Variants in COL7A1 observed in about 807,000 individuals in gnomAD.
The protein encoded by COL7A1 is collagen type VII alpha 1 chain.
Under a neutral mutation model 456.2 loss-of-function variants are expected in COL7A1, and 296 were observed. The ratio of observed to expected loss-of-function variants is 0.65; its 90% CI spans 0.59 to 0.71. The LOEUF (loss-of-function observed/expected upper bound fraction) is 0.71. Ranked by LOEUF, COL7A1 falls within the 30% of genes least tolerant of loss-of-function variation. The pLI is 0.00. For missense variants in COL7A1, 3,441 were observed against 4,017.2 expected (o/e 0.86, Z 3.88); for synonymous variants, 1,464 against 1,525.9 (o/e 0.96, Z 0.95).
chr3:48,564,530 G>A lies in COL7A1; in HGVS notation c.8819-108C>T, dbSNP rs1406316192. On this transcript the variant is annotated intron_variant, in intron 118 of 118. Transcript: ENST00000681320. This position sits in a 1 kb window ranked among gnomAD's most constrained non-coding sequence, Gnocchi z 6.0. ...GAGCGGAGGCTACAACAGGAAGTGG[G>A]GGCTCTGACCTCAGAGGGGTCCATA... is the stretch of plus-strand genomic sequence containing the variant. The A allele has an allele frequency of 1.4e-6, 2 of 1,387,878 alleles. No individual in the cohort carries two copies. The highest frequency in any genetic ancestry group is 2.0e-6 in the Non-Finnish European group (2 of 990,710). The allele number at this position is 1,387,878 out of a possible 1,614,324, so 86.0% of individuals were successfully genotyped here.
rs575007315 is a variant in COL7A1, at chr3:48,586,527, A to G, written c.3403+36T>C. 2 of 1,613,700 alleles carry G rather than the reference A, an allele frequency of 1.2e-6. No individual in the cohort carries two copies. The highest frequency in any genetic ancestry group is 1.3e-5 in the African/African-American group (1 of 75,028). ...CCCTGGGGCACCAAGCTCCCAGTGG[A>G]TAGCCCCAGGAGTCCATGCCTGCTG... On this transcript the variant is annotated intron_variant, in intron 26 of 118. Coordinates refer to ENST00000681320, the MANE Select transcript of COL7A1 (RefSeq NM_000094.4). This position sits in a 1 kb window ranked among gnomAD's most constrained non-coding sequence, Gnocchi z 5.1.
chr3:48,573,618 C>T lies in COL7A1; in HGVS notation c.6574-61G>A, dbSNP rs2044082788. 3 of 1,613,408 alleles carry T rather than the reference C, an allele frequency of 1.9e-6. No individual in the cohort carries two copies. Among genetic ancestry groups the T allele is most frequent in the Non-Finnish European group, 2.5e-6 (3 of 1,179,550 alleles). Reference sequence around the variant, plus strand: ...AGGGATTAACACAGAGAAGGCCTGGCTCATCAGCTGTGGCCAATGCCTATC... The same window carrying T: ...AGGGATTAACACAGAGAAGGCCTGGTTCATCAGCTGTGGCCAATGCCTATC... On this transcript the variant is annotated intron_variant, in intron 82 of 118. Coordinates refer to ENST00000681320, the MANE Select transcript of COL7A1 (RefSeq NM_000094.4). The surrounding 1 kb of genome is among the most constrained non-coding windows in gnomAD (Gnocchi z 5.5).
In COL7A1 at chr3:48,583,376, C is replaced by T; in HGVS notation, c.4437+17G>A. On this transcript the variant is annotated intron_variant, in intron 42 of 118. Coordinates refer to ENST00000681320, the MANE Select transcript of COL7A1 (RefSeq NM_000094.4). The surrounding 1 kb of genome is among the most constrained non-coding windows in gnomAD (Gnocchi z 5.1). The stretch of plus-strand genomic sequence containing the variant: ...GAGTAGCACCCCTCACACCTGAATC[C>T]CCCAACTGGTACTCACTTTGGGGCC... 13 of 1,614,038 alleles carry T rather than the reference C, an allele frequency of 8.1e-6. No homozygotes were observed. Among genetic ancestry groups the T allele is most frequent in the Non-Finnish European group, 1.1e-5 (13 of 1,179,938 alleles).
Position 48,587,068 on chromosome 3 carries a change from A to G in COL7A1, c.3180T>C (p.His1060=). ...RGLADVVFLP[H]ATQDNAHRAE... ...CACGGTGAGCATTGTCTTGAGTGGC[A>G]TGTGGTAGGAACACCACATCCGCCA... The change falls in exon 25 of 119, where the codon CAT becomes CAC. Residue 1060 remains histidine (H), a synonymous_variant. Transcript: ENST00000681320. This position sits in a 1 kb window ranked among gnomAD's most constrained non-coding sequence, Gnocchi z 6.1. 6.2e-7 allele frequency: 1 copy of G among 1,611,240 alleles called. No individual in the cohort carries two copies. Among genetic ancestry groups the G allele is most frequent in the Non-Finnish European group, 8.5e-7 (1 of 1,178,820 alleles).
In COL7A1 at chr3:48,583,950, G is replaced by T; in HGVS notation, c.4228C>A (p.Pro1410Thr). 6.2e-7 allele frequency: 1 copy of T among 1,614,020 alleles called. No individual in the cohort carries two copies. The highest frequency in any genetic ancestry group is 8.5e-7 in the Non-Finnish European group (1 of 1,180,000). ...GDKGDRGERGPPGPGEGGIAP... is the reference protein window; with the variant it reads ...GDKGDRGERGTPGPGEGGIAP... Reference sequence around the variant, plus strand: ...ATGCCACCTTCACCTGGTCCAGGGGGACCCTGGGAGAGAACAGCAGGTCAG... The same window carrying T: ...ATGCCACCTTCACCTGGTCCAGGGGTACCCTGGGAGAGAACAGCAGGTCAG... The change falls in exon 39 of 119, where the codon CCC becomes ACC. Residue 1410 changes from proline to threonine, a missense_variant. Around this residue, in one of 3 missense-constraint regions of COL7A1, gnomAD observed 2,084 missense variants for 2,501.3 expected, o/e 0.83. Transcript: ENST00000681320. This position sits in a 1 kb window ranked among gnomAD's most constrained non-coding sequence, Gnocchi z 5.1.
chr3:48,581,595 G>A lies in COL7A1; in HGVS notation c.4760C>T (p.Pro1587Leu), dbSNP rs2044762036. The A allele has an allele frequency of 6.2e-7, 1 of 1,614,076 alleles. No homozygotes were observed. Among genetic ancestry groups the A allele is most frequent in the African/African-American group, 1.3e-5 (1 of 74,994 alleles). Residue 1587 changes from proline (P) to leucine (L), a missense_variant, in exon 50 of 119, where the codon CCC (proline) becomes CTC (leucine). Pro to Leu is a moderately conservative substitution (Grantham distance 98). This residue lies in a region of COL7A1 where 2,084 missense variants were observed against 2,501.3 expected (regional missense o/e 0.83). Transcript: ENST00000681320. This position sits in a 1 kb window ranked among gnomAD's most constrained non-coding sequence, Gnocchi z 5.8. Reference sequence around the variant, plus strand: ...CACCCGGTCTCCAGGGTCTCCCTTGGGGCCAGGGTCTCCAGGAAGAACCAA... The same window carrying A: ...CACCCGGTCTCCAGGGTCTCCCTTGAGGCCAGGGTCTCCAGGAAGAACCAA... ...PGLVLPGDPG[P>L]KGDPGDRGPI...
chr3:48,565,627 A>T lies in COL7A1; in HGVS notation c.8440+9T>A. On this transcript the variant is annotated intron_variant, in intron 115 of 118. Transcript: ENST00000681320. The surrounding 1 kb of genome is among the most constrained non-coding windows in gnomAD (Gnocchi z 4.5). Reference sequence around the variant, plus strand: ...GTGAAGAAAGTTCTGGGAGTAGAAAACTACTCACGTGATCCAGATGCGATG... The same window carrying T: ...GTGAAGAAAGTTCTGGGAGTAGAAATCTACTCACGTGATCCAGATGCGATG... 1 of 1,614,018 alleles carries T rather than the reference A, an allele frequency of 6.2e-7. No individual in the cohort carries two copies. The highest frequency in any genetic ancestry group is 8.5e-7 in the Non-Finnish European group (1 of 1,179,984).
Position 48,588,869 on chromosome 3 carries a change from C to A in COL7A1, c.2440+1G>T. ...ACAGGGGTGGCGTCAGGGAGCCATA[C>A]CTTCACTCCGGCCCCAGGCCAGTCT... On this transcript the variant is annotated splice_donor_variant, in intron 19 of 118. Transcript: ENST00000681320. LOFTEE classifies it high-confidence loss of function. This position sits in a 1 kb window ranked among gnomAD's most constrained non-coding sequence, Gnocchi z 4.6. 1 of 1,613,608 alleles carries A rather than the reference C, an allele frequency of 6.2e-7. No individual in the cohort carries two copies. The highest frequency in any genetic ancestry group is 2.2e-5 in the East Asian group (1 of 44,884).
Position 48,581,003 on chromosome 3 carries a change from G to T in COL7A1, c.4936-77C>A. The stretch of plus-strand genomic sequence containing the variant: ...ACTCAGGGAGAGGGGACAGAGAAGG[G>T]TCTGAGCAGCAGCTGGACAGGAGGC... On this transcript the variant is annotated intron_variant, in intron 53 of 118. Coordinates refer to ENST00000681320, the MANE Select transcript of COL7A1 (RefSeq NM_000094.4). The surrounding 1 kb of genome is among the most constrained non-coding windows in gnomAD (Gnocchi z 5.8). 1 of 1,603,980 alleles carries T rather than the reference G, an allele frequency of 6.2e-7. No individual in the cohort carries two copies. Among genetic ancestry groups the T allele is most frequent in the Non-Finnish European group, 8.5e-7 (1 of 1,171,970 alleles).
rs2107643806 is a variant in COL7A1 at position 48,569,913 on chromosome 3, C to T, written c.7488G>A (p.Gly2496=). ...PGQEGPRGLT[G]PPGSRGERGE... ...CACGCTCTCCCCTGCTGCCAGGGGG[C>T]CCCTGTGTGAGAGAAGGTGACCGTG... The change falls in exon 100 of 119, where the codon GGG becomes GGA. Residue 2496 remains glycine, a splice_region_variant and synonymous_variant. Coordinates refer to ENST00000681320, the MANE Select transcript of COL7A1 (RefSeq NM_000094.4). The surrounding 1 kb of genome is among the most constrained non-coding windows in gnomAD (Gnocchi z 4.9). 2 of 1,613,988 alleles carry T rather than the reference C, an allele frequency of 1.2e-6. No homozygotes were observed. Among genetic ancestry groups the T allele is most frequent in the Non-Finnish European group, 1.7e-6 (2 of 1,179,916 alleles).
rs1287180705 is a variant in COL7A1 at position 48,583,343 on chromosome 3, G to GGA, written c.4437+48_4437+49dup. 2 of 1,613,454 alleles carry GGA rather than the reference G, an allele frequency of 1.2e-6. No homozygotes were observed. Among genetic ancestry groups the GGA allele is most frequent in the Non-Finnish European group, 1.7e-6 (2 of 1,179,616 alleles). On this transcript the variant is annotated intron_variant, in intron 42 of 118. Coordinates refer to ENST00000681320, the MANE Select transcript of COL7A1 (RefSeq NM_000094.4). The surrounding 1 kb of genome is among the most constrained non-coding windows in gnomAD (Gnocchi z 5.1). ...CTTCCAGCCTCCCCTAACACCATGG[G>GGA]GAGCCCAGAGTAGCACCCCTCACAC...
In COL7A1 at chr3:48,573,537, T is replaced by C. The variant is rs1575433972; in HGVS notation, c.6594A>G (p.Gly2198=). The change falls in exon 83 of 119, where the codon GGA becomes GGG. Residue 2198 remains glycine, a synonymous_variant. Coordinates refer to ENST00000681320, the MANE Select transcript of COL7A1 (RefSeq NM_000094.4). The surrounding 1 kb of genome is among the most constrained non-coding windows in gnomAD (Gnocchi z 5.5). ...PGAPGLAGPA[G]PQGPSGLKGE... is the part of the protein sequence containing the mutation. ...CCTTCAGGCCAGAAGGTCCTTGGGG[T>C]CCTGCAGGGCCAGCAAGACCCTAGA... 6.2e-7 allele frequency: 1 copy of C among 1,613,878 alleles called. No homozygotes were observed. Among genetic ancestry groups the C allele is most frequent in the Non-Finnish European group, 8.5e-7 (1 of 1,179,944 alleles).
At position 48,568,378 on chromosome 3, in the gene COL7A1, T is replaced by A; in HGVS notation, c.7794+121A>T. 1 of 1,142,650 alleles carries A rather than the reference T, an allele frequency of 8.8e-7. No individual in the cohort carries two copies. Among genetic ancestry groups the A allele is most frequent in the Middle Eastern group, 2.0e-4 (1 of 4,986 alleles). 70.8% of individuals were successfully genotyped at this position (1,142,650 alleles called of 1,614,324 possible). A position where few individuals can be genotyped will look rare whatever the true frequency, so the allele number is the denominator to read the frequency against. ...TGGAGGTGGGGGACCCTGGGTGACA[T>A]GAGGACACCATGAGAGCACTGGGTC... On this transcript the variant is annotated intron_variant, in intron 105 of 118. Coordinates refer to ENST00000681320, the MANE Select transcript of COL7A1 (RefSeq NM_000094.4). This position sits in a 1 kb window ranked among gnomAD's most constrained non-coding sequence, Gnocchi z 5.2.
Position 48,570,571 on chromosome 3 carries a change from C to T in COL7A1, c.7344+68G>A, listed in dbSNP as rs1441138902. 8.1e-6 allele frequency: 13 copies of T among 1,613,282 alleles called. No individual in the cohort carries two copies. The highest frequency in any genetic ancestry group is 6.7e-5 in the African/African-American group (5 of 74,836). ...TCCCCCAACACCCCACAGTGTGGCC[C>T]GCCCCATCCTAAGTCCTCACGAGGA... On this transcript the variant is annotated intron_variant, in intron 96 of 118. Coordinates refer to ENST00000681320, the MANE Select transcript of COL7A1 (RefSeq NM_000094.4). The surrounding 1 kb of genome is among the most constrained non-coding windows in gnomAD (Gnocchi z 5.5).
chr3:48,591,858 G>A lies in COL7A1; in HGVS notation c.1358-36C>T. Reference sequence around the variant, plus strand: ...ACAGGGTCAGACCAGCAGAGGCCATGCCCTGACCCTTGCCTGTCCATCCCT... The same window carrying A: ...ACAGGGTCAGACCAGCAGAGGCCATACCCTGACCCTTGCCTGTCCATCCCT... On this transcript the variant is annotated intron_variant, in intron 11 of 118. Transcript: ENST00000681320. The surrounding 1 kb of genome is among the most constrained non-coding windows in gnomAD (Gnocchi z 7.0). The A allele has an allele frequency of 6.2e-7, 1 of 1,614,200 alleles. No individual in the cohort carries two copies. Among genetic ancestry groups the A allele is most frequent in the East Asian group, 2.2e-5 (1 of 44,884 alleles).
chr3:48,567,847 C>T lies in COL7A1; in HGVS notation c.7920G>A (p.Lys2640=), dbSNP rs780249495. The change falls in exon 107 of 119, where the codon AAG becomes AAA. Residue 2640 remains lysine, a synonymous_variant. Transcript: ENST00000681320. This position sits in a 1 kb window ranked among gnomAD's most constrained non-coding sequence, Gnocchi z 4.3. ...CCCATCCCCTCTGTACCTTGTCTCCCTTCTCTCCATCAAGGCCACAGGCTC... is the reference window on the plus strand; with the variant it reads ...CCCATCCCCTCTGTACCTTGTCTCCTTTCTCTCCATCAAGGCCACAGGCTC... ...VKGACGLDGE[K]GDKGEAGPPG... is the part of the protein sequence containing the mutation. 1.9e-6 allele frequency: 3 copies of T among 1,614,146 alleles called. No homozygotes were observed. The highest frequency in any genetic ancestry group is 4.5e-5 in the East Asian group (2 of 44,870).
chr3:48,581,504 G>A lies in COL7A1; in HGVS notation c.4783-21C>T, dbSNP rs1318973910. 6.2e-7 allele frequency: 1 copy of A among 1,614,080 alleles called. No individual in the cohort carries two copies. ...GGACCCTGAAGGGGACAGAAGGGGG[G>A]CAGGACTTAGTCAGGGTCCCACCAC... is the stretch of plus-strand genomic sequence containing the variant. On this transcript the variant is annotated intron_variant, in intron 50 of 118. Transcript: ENST00000681320. The surrounding 1 kb of genome is among the most constrained non-coding windows in gnomAD (Gnocchi z 5.8).
At position 48,589,623 on chromosome 3, in the gene COL7A1, T is replaced by C. The variant is rs143040168; in HGVS notation, c.2146A>G (p.Arg716Gly). The C allele has an allele frequency of 2.7e-4, 435 of 1,602,880 alleles. No individual in the cohort carries two copies. Among genetic ancestry groups the C allele is most frequent in the Non-Finnish European group, 3.5e-4 (416 of 1,176,564 alleles). The change falls in exon 17 of 119, where the codon AGG becomes GGG. Residue 716 changes from arginine to glycine, a missense_variant. Physicochemically the swap from Arg to Gly is moderately radical, Grantham distance 125. Coordinates refer to ENST00000681320, the MANE Select transcript of COL7A1 (RefSeq NM_000094.4). ...WTRVPGATGYRVSWHSAHGPE... is the reference protein window; with the variant it reads ...WTRVPGATGYGVSWHSAHGPE... The stretch of plus-strand genomic sequence containing the variant: ...CCGTGGGCTGAGTGCCAGGAAACCC[T>C]GTATCCTGTGGCGCCAGGAACCCTG...
chr3:48,572,381 G>A lies in COL7A1; in HGVS notation c.6977C>T (p.Pro2326Leu), dbSNP rs763000800. The A allele has an allele frequency of 5.6e-6, 9 of 1,614,100 alleles. No individual in the cohort carries two copies. Among genetic ancestry groups the A allele is most frequent in the Admixed American group, 1.7e-5 (1 of 60,024 alleles). ...TGCTGTCAGAAGTTCCCTACTTACC[G>A]GCTCACCCACCAGGTCTCCAGCAAG... is the stretch of plus-strand genomic sequence containing the variant. ...GGLAGDLVGEPGAKGDRGLPG... is the reference protein window; with the variant it reads ...GGLAGDLVGELGAKGDRGLPG... The change falls in exon 90 of 119, where the codon CCG becomes CTG. Residue 2326 changes from proline to leucine, a missense_variant and splice_region_variant. Around this residue, in one of 3 missense-constraint regions of COL7A1, gnomAD observed 2,084 missense variants for 2,501.3 expected, o/e 0.83. Coordinates refer to ENST00000681320, the MANE Select transcript of COL7A1 (RefSeq NM_000094.4). This position sits in a 1 kb window ranked among gnomAD's most constrained non-coding sequence, Gnocchi z 4.6.
Sources: allele counts gnomAD v4.1 joint callset, GRCh38; gene constraint gnomAD v4.1.1; regional missense constraint gnomAD v4.1.1; non-coding constraint Gnocchi (gnomAD v3.1); transcripts MANE v1.5; gene names NCBI Gene and HGNC (gene_info 2026-07-23, HGNC 2026-07-21).